THADA: variants seen among roughly 807,000 people sequenced by gnomAD.
THADA encodes tRNA (32-2'-O)-methyltransferase regulator THADA.
In THADA, 213 loss-of-function variants were observed where a neutral mutation model predicts 219.8. That is an observed-to-expected ratio of 0.97 (90% CI 0.87 to 1.09). The LOEUF is 1.09. Among genes scored for constraint, THADA ranks in the 50% least tolerant of loss-of-function variants. The pLI, the probability that THADA is intolerant of heterozygous loss-of-function variation, is 0.00. For missense variants in THADA, 2,956 were observed against 2,311.3 expected (o/e 1.28, Z -5.72); for synonymous variants, 1,018 against 828.9 (o/e 1.23, Z -3.92).
intron 29 of THADA, among the ~76,000 whole-genome samples, chr2:43,364,089 C>T (rs1024850219): frequency 8.2e-5 from 12 of 145,502 alleles, no homozygotes; most frequent in African/African-American, 3.0e-4. Context: ...ATGGGTGTGA[C>T]GGTGTGCACC....
chr2:43,383,982 C>T (rs1388203625), intron 29 of THADA, among the ~76,000 whole-genome samples: 1 of 152,084 alleles, frequency 6.6e-6, no homozygotes, highest in Admixed American at 6.5e-5. Context: ...ACCATCACTC[C>T]TGGTCTAACA....
At chr2:43,445,709 G>C (rs984285493) in intron 26 of THADA, among the ~76,000 whole-genome samples, 3 of 152,180 alleles carry the variant, frequency 2.0e-5, no homozygotes, top group African/African-American at 4.8e-5. Context: ...GTCTTGCTCT[G>C]TCACCCAGGC....
At chr2:43,251,598 T>C (rs895254602) in intron 36 of THADA, among the ~76,000 whole-genome samples, 3 of 152,224 alleles carry the variant, frequency 2.0e-5, no homozygotes, top group African/African-American at 7.2e-5. Flanking sequence ...TGGGACTGTG[T>C]ACTCCCGAGT....
rs146181873 is a variant in THADA at position 43,510,220 on chromosome 2, C to T, written c.3375-1440G>A. Among the ~76,000 whole-genome samples the T allele has an allele frequency of 1.2e-4, 18 of 152,176 alleles. No homozygotes were observed. In the East Asian group the frequency reaches 3.1e-3, roughly 26 times the overall value. On this transcript the variant is annotated intron_variant, in intron 22 of 37. Transcript: ENST00000405975. ...GTACATAGGAATAAAAATCACAAAT[C>T]GGGGATGTGTTTTAGAATACTTCAG...
chr2:43,261,455 A>T (rs1345238444), intron 36 of THADA, among the ~76,000 whole-genome samples: 1 of 149,068 alleles, frequency 6.7e-6, no homozygotes, highest in Non-Finnish European at 1.5e-5. Flanking sequence ...TTTTTGTTTG[A>T]GACAGAGTCT....
intron 26 of THADA, among the ~76,000 whole-genome samples, chr2:43,475,057 T>A (rs931438773): frequency 2.0e-5 from 3 of 152,192 alleles, no homozygotes; most frequent in Admixed American, 2.0e-4. Flanking sequence ...TAAGTTGAGT[T>A]CAGAGACCAA....
At chr2:43,491,530 A>G (rs1304435520) in intron 25 of THADA, among the ~76,000 whole-genome samples, 1 of 152,190 alleles carries the variant, frequency 6.6e-6, no homozygotes, top group African/African-American at 2.4e-5. Flanking sequence ...TACGATTATA[A>G]TATTGTATTT....
At chr2:43,510,895 C>A (rs1209105639) in intron 22 of THADA, among the ~76,000 whole-genome samples, 1 of 151,456 alleles carries the variant, frequency 6.6e-6, no homozygotes, top group Non-Finnish European at 1.5e-5. Flanking sequence ...CGCTTGAACT[C>A]AGGAAGCAGA....
chr2:43,398,035 G>A lies in THADA; in HGVS notation c.4163C>T (p.Ser1388Phe). 6.2e-7 allele frequency: 1 copy of A among 1,613,994 alleles called. No homozygotes were observed. Among genetic ancestry groups the A allele is most frequent in the South Asian group, 1.1e-5 (1 of 91,084 alleles). The change falls in exon 29 of 38, where the codon TCC becomes TTC. Residue 1388 changes from serine to phenylalanine, a missense_variant. Ser to Phe is a radical substitution (Grantham distance 155). Coordinates refer to ENST00000405975, the MANE Select transcript of THADA (RefSeq NM_022065.5). Reference sequence around the variant, plus strand: ...CTGGTCAGTGCAGCTGGGGAGTGTGGACAACAGAGTTCGAATGGTATTAGG... The same window carrying A: ...CTGGTCAGTGCAGCTGGGGAGTGTGAACAACAGAGTTCGAATGGTATTAGG... ...HIPNTIRTLL[S>F]TLPSCTDQCF...
chr2:43,438,358 G>A (rs1050897985), intron 26 of THADA, among the ~76,000 whole-genome samples: 5 of 149,632 alleles, frequency 3.3e-5, no homozygotes, highest in Non-Finnish European at 7.4e-5. Context: ...CCCTCAAATT[G>A]GCAAAGACTA....
chr2:43,422,490 G>C (rs546543323), intron 28 of THADA, among the ~76,000 whole-genome samples: 2 of 152,066 alleles, frequency 1.3e-5, no homozygotes, highest in East Asian at 3.9e-4. Flanking sequence ...CAGAGTTCAG[G>C]GGGACTACAG....
chr2:43,508,854 ACAC>A, intron 22 of THADA, 74 bp from the exon 23 acceptor site: 1 of 1,429,420 alleles, frequency 7.0e-7, no homozygotes, highest in Non-Finnish European at 9.7e-7. Context: ...ATGCACATTT[ACAC>A]TGTTAGTAAA....
rs146694907 is a variant in THADA, at chr2:43,364,434, GC to G, written c.4228-20198del. Among the ~76,000 whole-genome samples, 1,061 of 152,238 alleles carry G rather than the reference GC, an allele frequency of 7.0e-3. 13 individuals are homozygous for G. The highest frequency in any genetic ancestry group is 0.024 in the African/African-American group (1,010 of 41,546). On this transcript the variant is annotated intron_variant, in intron 29 of 37. Transcript: ENST00000405975. ...AATTCTTTGCTGTGGGAGTTGTCCT[GC>G]ATGCTACAGGATGTTTCCTAGCCCT...
chr2:43,404,497 C>T (rs541036668), intron 28 of THADA, among the ~76,000 whole-genome samples: 6 of 151,736 alleles, frequency 4.0e-5, no homozygotes, highest in Non-Finnish European at 8.8e-5. Flanking sequence ...CTGGCCTCTG[C>T]TAAGGTACTA....
intron 30 of THADA, among the ~76,000 whole-genome samples, chr2:43,326,589 C>A (rs1679363766): frequency 6.6e-6 from 1 of 152,156 alleles, no homozygotes; most frequent in Non-Finnish European, 1.5e-5. Flanking sequence ...GTGTCTGGTC[C>A]ATGGACAGCT....
At chr2:43,569,331 C>T (rs963565857) in intron 14 of THADA, among the ~76,000 whole-genome samples, 7 of 152,170 alleles carry the variant, frequency 4.6e-5, no homozygotes, top group Admixed American at 2.0e-4. Flanking sequence ...CATCACTTCT[C>T]GGCCTTTTAG....
At chr2:43,465,453 C>T (rs1684123373) in intron 26 of THADA, among the ~76,000 whole-genome samples, 1 of 152,182 alleles carries the variant, frequency 6.6e-6, no homozygotes, top group Non-Finnish European at 1.5e-5. Context: ...GGTTAAGTGC[C>T]TCCTTCTACA....
chr2:43,251,525 T>G (rs1309060913), intron 36 of THADA, among the ~76,000 whole-genome samples: 1 of 152,228 alleles, frequency 6.6e-6, no homozygotes, highest in African/African-American at 2.4e-5. Flanking sequence ...TCACCTGGTC[T>G]GCTTCCTGTC....
intron 22 of THADA, among the ~76,000 whole-genome samples, chr2:43,511,471 G>A (rs1015331868): frequency 6.6e-6 from 1 of 152,110 alleles, no homozygotes; most frequent in Non-Finnish European, 1.5e-5. Context: ...AGTGGCTCTT[G>A]ACTATTAACC....
Sources: gnomAD v4.1 joint callset for allele counts (sites outside exome capture counted in the v4.1 genomes callset) on GRCh38, gnomAD v4.1.1 for gene constraint, MANE v1.5 for transcripts, NCBI Gene and HGNC (gene_info 2026-07-23, HGNC 2026-07-21) for gene names.